BOC: variants seen among roughly 807,000 people sequenced by gnomAD.
BOC encodes brother of CDO.
A neutral mutation model predicts 112.0 loss-of-function variants in BOC; 76 were observed. That is an observed-to-expected ratio of 0.68 (90% confidence interval 0.56 to 0.82). The LOEUF (loss-of-function observed/expected upper bound fraction) is 0.82. Among genes scored for constraint, BOC ranks in the 40% least tolerant of loss-of-function variants. The pLI is 0.00. For missense variants in BOC, 1,309 were observed against 1,511.7 expected (o/e 0.87, Z 2.22); for synonymous variants, 580 against 599.8 (o/e 0.97, Z 0.48).
chr3:113,286,258 C>T (rs1051130754), intron 19 of BOC, among the ~76,000 whole-genome samples: 1 of 152,158 alleles, frequency 6.6e-6, no homozygotes, highest in Non-Finnish European at 1.5e-5. Flanking sequence ...TCCTAAAGCT[C>T]GACCCAGCAT....
chr3:113,261,945 T>A (rs997627289), intron 4 of BOC: 29 of 152,160 alleles, frequency 1.9e-4, no homozygotes, highest in African/African-American at 7.0e-4. Context: ...ATTTAACAAC[T>A]AATGTGCTTG....
intron 1 of BOC, among the ~76,000 whole-genome samples, chr3:113,213,681 A>G (rs760569818): frequency 2.0e-5 from 3 of 152,170 alleles, no homozygotes; most frequent in Non-Finnish European, 4.4e-5. Context: ...TATAATTGGT[A>G]CTTTTTAATG....
At chr3:113,216,135 T>C (rs2107571803) in intron 1 of BOC, 52 bp from the exon 2 acceptor site, 3 of 435,730 alleles carry the variant, frequency 6.9e-6, no homozygotes, top group South Asian at 4.9e-5. Flanking sequence ...AAGCAAATAC[T>C]TCAGAACTGT....
chr3:113,244,998 AT>A (rs1353348718), intron 2 of BOC, among the ~76,000 whole-genome samples: 7 of 152,272 alleles, frequency 4.6e-5, no homozygotes, highest in African/African-American at 1.7e-4. Flanking sequence ...TCCCTTCTGA[AT>A]TAGCTGGGAG....
intron 2 of BOC, among the ~76,000 whole-genome samples, chr3:113,235,513 C>T (rs1175806868): frequency 1.3e-5 from 2 of 152,124 alleles, no homozygotes; most frequent in Non-Finnish European, 2.9e-5. Flanking sequence ...AGGATATTTT[C>T]CTTTTTCCCT....
At chr3:113,222,282 A>T (rs1559802107) in intron 2 of BOC, among the ~76,000 whole-genome samples, 1 of 150,020 alleles carries the variant, frequency 6.7e-6, no homozygotes, top group African/African-American at 2.5e-5. Context: ...TGGTGCTCAC[A>T]TTTTTTTTTC....
intron 14 of BOC, 41 bp downstream of exon 14, chr3:113,280,704 G>A (rs1383678329): frequency 1.3e-6 from 2 of 1,485,026 alleles, no homozygotes; most frequent in Middle Eastern, 1.7e-4. Flanking sequence ...GCGTGATATA[G>A]TTTCCTCCGC....
chr3:113,285,136 C>G (rs951365451), intron 18 of BOC, among the ~76,000 whole-genome samples: 1 of 152,264 alleles, frequency 6.6e-6, no homozygotes, highest in Non-Finnish European at 1.5e-5. Flanking sequence ...TGCCCATGGG[C>G]CCCTGGACAC....
chr3:113,276,600 G>A (rs898433409), intron 9 of BOC, among the ~76,000 whole-genome samples: 1 of 152,206 alleles, frequency 6.6e-6, no homozygotes, highest in Admixed American at 6.5e-5. Flanking sequence ...CAGCATTCGG[G>A]CTGTGTTTTT....
At chr3:113,280,462 C>T in intron 13 of BOC, 96 bp from the exon 14 acceptor site, 1 of 843,068 alleles carries the variant, frequency 1.2e-6, no homozygotes, top group Non-Finnish European at 2.0e-6. Context: ...GAAATTCAAA[C>T]TCTGGACTGG....
chr3:113,230,004 G>A (rs757451400), intron 2 of BOC, among the ~76,000 whole-genome samples: 1 of 152,148 alleles, frequency 6.6e-6, no homozygotes, highest in Non-Finnish European at 1.5e-5. Flanking sequence ...TGCTGCCCAG[G>A]CATTGTTATA....
At chr3:113,269,672 C>T (rs1443077539) in intron 5 of BOC, 1 of 152,126 alleles carries the variant, frequency 6.6e-6, no homozygotes, top group East Asian at 1.9e-4. Context: ...AAAGGTAAAA[C>T]ACCTAATCCA....
intron 15 of BOC, among the ~76,000 whole-genome samples, chr3:113,282,995 G>A (rs757977383): frequency 6.6e-6 from 1 of 152,142 alleles, no homozygotes; most frequent in Non-Finnish European, 1.5e-5. Flanking sequence ...AGTGCTTCAC[G>A]TCTCAGTCCA....
At chr3:113,273,914 C>T (rs1389912424) in intron 8 of BOC, among the ~76,000 whole-genome samples, 1 of 152,198 alleles carries the variant, frequency 6.6e-6, no homozygotes, top group African/African-American at 2.4e-5. Context: ...CCCTCCTGGC[C>T]TCACAGACTC....
intron 4 of BOC, chr3:113,251,839 A>C (rs1420926475): frequency 6.6e-6 from 1 of 152,224 alleles, no homozygotes; most frequent in Non-Finnish European, 1.5e-5. Context: ...GGTGTATTAT[A>C]AAGATTCAAC....
chr3:113,265,782 T>G (rs1947413643), intron 4 of BOC, among the ~76,000 whole-genome samples: 1 of 152,202 alleles, frequency 6.6e-6, no homozygotes, highest in African/African-American at 2.4e-5. Context: ...TGAAGCATTA[T>G]TAAGAATTTT....
chr3:113,280,979 A>G, intron 14 of BOC, 52 bp from the exon 15 acceptor site: 4 of 1,601,514 alleles, frequency 2.5e-6, no homozygotes, highest in Non-Finnish European at 3.4e-6. Context: ...GATTGGGATC[A>G]AGAAAACCAT....
chr3:113,279,690 T>C, intron 12 of BOC, 134 bp from the exon 13 acceptor site: 1 of 971,464 alleles, frequency 1.0e-6, no homozygotes, highest in South Asian at 1.7e-5. Flanking sequence ...CGGGTGTTCT[T>C]GTGAGGCCTT....
chr3:113,285,298 C>T (rs1021664706), intron 18 of BOC, 74 bp from the exon 19 acceptor site: 50 of 1,468,658 alleles, frequency 3.4e-5, no homozygotes, highest in Non-Finnish European at 4.4e-5. Flanking sequence ...GACAGGGAGA[C>T]AGCCAGCAGG....
Sources: gnomAD v4.1 joint callset for allele counts (sites outside exome capture counted in the v4.1 genomes callset) on GRCh38, gnomAD v4.1.1 for gene constraint, MANE v1.5 for transcripts, NCBI Gene and HGNC (gene_info 2026-07-23, HGNC 2026-07-21) for gene names.